Variants in NBEAL2 observed in about 807,000 individuals in gnomAD.
The protein encoded by NBEAL2 is neurobeachin like 2, also known as neurobeachin-like protein 2.
In NBEAL2, 160 loss-of-function variants were observed where a neutral mutation model predicts 299.8. The ratio of observed to expected loss-of-function variants is 0.53; its 90% CI spans 0.47 to 0.61. The LOEUF is 0.61. Among genes scored for constraint, NBEAL2 ranks in the 20% least tolerant of loss-of-function variants. The pLI is 0.00. For synonymous variants in NBEAL2, 1,493 were observed against 1,542.3 expected (o/e 0.97, Z 0.75); for missense variants, 3,112 against 3,649.0 (o/e 0.85, Z 3.79).
At position 46,999,949 on chromosome 3, in the gene NBEAL2, T is replaced by A; in HGVS notation, c.3850T>A (p.Trp1284Arg). ...GCGGCTTCTGGCCCGACAGGCTGGC[T>A]GGCAAGATGTGCTGACCCGGCTATA... ...VVRLLARQAGWQDVLTRLYVL... is the reference protein window; with the variant it reads ...VVRLLARQAGRQDVLTRLYVL... The change falls in exon 27 of 54, where the codon TGG (tryptophan) becomes AGG (arginine). Residue 1284 changes from tryptophan to arginine, a missense_variant. Physicochemically the swap from Trp to Arg is moderately radical, Grantham distance 101. Coordinates refer to ENST00000450053, the MANE Select transcript of NBEAL2 (RefSeq NM_015175.3). The A allele has an allele frequency of 6.2e-7, 1 of 1,611,706 alleles. No homozygotes were observed. The highest frequency in any genetic ancestry group is 8.5e-7 in the Non-Finnish European group (1 of 1,179,422).
At position 47,006,434 on chromosome 3, in the gene NBEAL2, G is replaced by A; in HGVS notation, c.7119G>A (p.Lys2373=). Residue 2373 remains lysine (K), a synonymous_variant, in exon 45 of 54, where the codon AAG becomes AAA. Coordinates refer to ENST00000450053, the MANE Select transcript of NBEAL2 (RefSeq NM_015175.3). The part of the protein sequence containing the change: ...PSIFQHLDEL[K]AFFAEVVSDG... Reference sequence around the variant, plus strand: ...TCTTCCAGCACCTGGACGAACTCAAGGCATTCTTCGCAGAGGTGAAAGGAA... The same window carrying A: ...TCTTCCAGCACCTGGACGAACTCAAAGCATTCTTCGCAGAGGTGAAAGGAA... 5.7e-6 allele frequency: 9 copies of A among 1,583,022 alleles called. No individual in the cohort carries two copies. Among genetic ancestry groups the A allele is most frequent in the Non-Finnish European group, 6.0e-6 (7 of 1,164,320 alleles).
In NBEAL2 at chr3:47,002,158, G is replaced by A. The variant is rs200622688; in HGVS notation, c.5021G>A (p.Arg1674His). Residue 1674 changes from arginine (R) to histidine (H), a missense_variant, in exon 31 of 54, where the codon CGT becomes CAT. Around this residue, in one of 3 missense-constraint regions of NBEAL2, gnomAD observed 2,243 missense variants for 2,538.1 expected, o/e 0.88. Transcript: ENST00000450053. ...CCACTGGTGCGCACGCTGCTAGACCGTGCCTATGAGCCGCTGGGGCTGCAG... is the reference window on the plus strand; with the variant it reads ...CCACTGGTGCGCACGCTGCTAGACCATGCCTATGAGCCGCTGGGGCTGCAG... ...LVPLVRTLLD[R>H]AYEPLGLQWG... The A allele has an allele frequency of 1.5e-3, 2,284 of 1,538,420 alleles. 3 individuals are homozygous for A. The highest frequency in any genetic ancestry group is 1.7e-3 in the Non-Finnish European group (1,965 of 1,138,884).
At chr3:46,996,910 T>C (rs771391324) in intron 17 of NBEAL2, 44 bp from the exon 18 acceptor site, 141 of 1,609,076 alleles carry the variant, frequency 8.8e-5, no homozygotes, top group Non-Finnish European at 1.2e-4. Flanking sequence ...TGCCACCCCC[T>C]CCTCCCTCTG....
chr3:46,992,589 C>T (rs777780700), intron 10 of NBEAL2, 34 bp downstream of exon 10: 2 of 1,538,856 alleles, frequency 1.3e-6, no homozygotes, highest in Admixed American at 1.9e-5. Flanking sequence ...TCAGACACCC[C>T]CTGGGACTCC....
At chr3:47,006,759 T>A (rs1324768100) in intron 45 of NBEAL2, among the ~76,000 whole-genome samples, 4 of 152,208 alleles carry the variant, frequency 2.6e-5, no homozygotes, top group Admixed American at 6.5e-5. Flanking sequence ...GGCCTGACTT[T>A]TTTTTTAGGT....
At chr3:46,983,559 C>G (rs1219087436) in intron 1 of NBEAL2, among the ~76,000 whole-genome samples, 3 of 152,180 alleles carry the variant, frequency 2.0e-5, no homozygotes, top group Non-Finnish European at 2.9e-5. Context: ...CTGCCCGCCT[C>G]AGCCTCCCAA....
chr3:46,994,279 T>G (rs2036311868), intron 11 of NBEAL2, among the ~76,000 whole-genome samples, 176 bp from the exon 12 acceptor site: 1 of 152,142 alleles, frequency 6.6e-6, no homozygotes, highest in Non-Finnish European at 1.5e-5. Flanking sequence ...CCTTCTGAGA[T>G]GTACTCACGT....
rs1248133159 is a variant in NBEAL2, at chr3:47,009,070, G to A, written c.8109G>A (p.Leu2703=). Residue 2703 remains leucine (L), a synonymous_variant, in exon 53 of 54, where the codon CTG becomes CTA. Transcript: ENST00000450053. ...TGACCAAGGAGCGCAGCCACGTGCT[G>A]GTGGGCCTGGAGGATGGCAAGCTCA... is the stretch of plus-strand genomic sequence containing the variant. The part of the protein sequence containing the change: ...VAVTKERSHV[L]VGLEDGKLIV... The A allele has an allele frequency of 2.5e-6, 4 of 1,602,326 alleles. No homozygotes were observed. The highest frequency in any genetic ancestry group is 3.4e-6 in the Non-Finnish European group (4 of 1,179,646).
In NBEAL2 at chr3:47,009,455, A is replaced by C; in HGVS notation, c.*135A>C. On this transcript the variant is annotated 3_prime_UTR_variant, in exon 54 of 54. Coordinates refer to ENST00000450053, the MANE Select transcript of NBEAL2 (RefSeq NM_015175.3). ...GGGGCCCACCCTGCCCAGCTCAGGGATTGGCGGGCGATGTTACCCCCTCAG... is the reference window on the plus strand; with the variant it reads ...GGGGCCCACCCTGCCCAGCTCAGGGCTTGGCGGGCGATGTTACCCCCTCAG... 1.2e-6 allele frequency: 1 copy of C among 830,036 alleles called. No individual in the cohort carries two copies. The allele number at this position is 830,036 out of a possible 1,614,324, so 51.4% of individuals were successfully genotyped here.
In NBEAL2 at chr3:46,988,952, T is replaced by A; in HGVS notation, c.251T>A (p.Leu84His). 6.2e-7 allele frequency: 1 copy of A among 1,612,426 alleles called. No individual in the cohort carries two copies. Among genetic ancestry groups the A allele is most frequent in the Non-Finnish European group, 8.5e-7 (1 of 1,178,892 alleles). The change falls in exon 3 of 54, where the codon CTC becomes CAC. Residue 84 changes from leucine to histidine, a missense_variant. Leu to His is a moderately conservative substitution (Grantham distance 99, BLOSUM62 -3). This residue lies in a region of NBEAL2 where 2,243 missense variants were observed against 2,538.1 expected (regional missense o/e 0.88). Coordinates refer to ENST00000450053, the MANE Select transcript of NBEAL2 (RefSeq NM_015175.3). The surrounding 1 kb of genome is among the most constrained non-coding windows in gnomAD (Gnocchi z 4.4). ...GAGCAAGCCCTCCTGCTGCTCAAGC[T>A]CTTCATCATTCTCTGCAGGTGTCTC... The part of the protein sequence containing the change: ...DLEQALLLLK[L>H]FIILCRNLEN...
chr3:47,004,580 A>G lies in NBEAL2; in HGVS notation c.6284A>G (p.Gln2095Arg). The change falls in exon 38 of 54, where the codon CAG becomes CGG. Residue 2095 changes from glutamine to arginine, a missense_variant. Gln to Arg is a conservative substitution (Grantham distance 43). Transcript: ENST00000450053. This position sits in a 1 kb window ranked among gnomAD's most constrained non-coding sequence, Gnocchi z 5.0. Reference sequence around the variant, plus strand: ...GGGCGGACCTACAATGACCTGTCTCAGTACCCTGTGGTGAGGGTCCCACTC... The same window carrying G: ...GGGCGGACCTACAATGACCTGTCTCGGTACCCTGTGGTGAGGGTCCCACTC... ...IAGRTYNDLS[Q>R]YPVFPWVLQD... 6.2e-7 allele frequency: 1 copy of G among 1,613,580 alleles called. No homozygotes were observed.
intron 40 of NBEAL2, 44 bp downstream of exon 40, chr3:47,005,365 G>A (rs2037350586): frequency 6.3e-7 from 1 of 1,586,918 alleles, no homozygotes; most frequent in Non-Finnish European, 8.6e-7. Context: ...GCAGATAAGG[G>A]GAGGAGGCTG....
At chr3:46,999,815 T>A (rs2036822232) in intron 26 of NBEAL2, 74 bp from the exon 27 acceptor site, 3 of 1,596,106 alleles carry the variant, frequency 1.9e-6, no homozygotes, top group Non-Finnish European at 2.6e-6. Flanking sequence ...GGAGCCCTCC[T>A]CTGCAAAGGC....
Position 46,987,912 on chromosome 3 carries a change from A to C in NBEAL2, c.52-757A>C, listed in dbSNP as rs1340019265. 9 of 1,055,106 alleles carry C rather than the reference A, an allele frequency of 8.5e-6. No homozygotes were observed. In the Admixed American group the frequency reaches 8.8e-5, roughly 10 times the overall value. The allele number at this position is 1,055,106 out of a possible 1,614,324, so 65.4% of individuals were successfully genotyped here. A position where few individuals can be genotyped will look rare whatever the true frequency, so the allele number is the denominator to read the frequency against. On this transcript the variant is annotated intron_variant, in intron 1 of 53. Coordinates refer to ENST00000450053, the MANE Select transcript of NBEAL2 (RefSeq NM_015175.3). ...CCCCACATCCCTGCGGTCTGCCGGG[A>C]GGAAGCGGTCCCCCTCCCCCACCGT... is the stretch of plus-strand genomic sequence containing the variant.
Position 47,001,039 on chromosome 3 carries a change from C to T in NBEAL2, c.4344C>T (p.Asn1448=), listed in dbSNP as rs781019108. 3.7e-6 allele frequency: 6 copies of T among 1,612,348 alleles called. No homozygotes were observed. The highest frequency in any genetic ancestry group is 1.7e-4 in the Middle Eastern group (1 of 6,056). The change falls in exon 28 of 54, where the codon AAC becomes AAT. Residue 1448 remains asparagine (N), a synonymous_variant. Transcript: ENST00000450053. This position sits in a 1 kb window ranked among gnomAD's most constrained non-coding sequence, Gnocchi z 6.1. ...AAGAGTTGTGCAATCTGCTCACCAA[C>T]GTGCTGTTCTCGGTGACGTGGCGTG... ...SEEELCNLLT[N]VLFSVTWRGV... is the part of the protein sequence containing the mutation.
chr3:47,005,395 C>T, intron 40 of NBEAL2, 74 bp downstream of exon 40: 1 of 1,569,280 alleles, frequency 6.4e-7, no homozygotes, highest in Non-Finnish European at 8.6e-7. Context: ...ACATCCTGGG[C>T]CCACCCCTGG....
intron 1 of NBEAL2, among the ~76,000 whole-genome samples, chr3:46,986,554 T>C (rs2035684611): frequency 6.6e-6 from 1 of 152,148 alleles, no homozygotes; most frequent in African/African-American, 2.4e-5. Flanking sequence ...ATTTGGGCTT[T>C]CAGGTGCTCA....
intron 1 of NBEAL2, among the ~76,000 whole-genome samples, chr3:46,986,132 C>T (rs958237924): frequency 3.3e-5 from 5 of 152,178 alleles, no homozygotes; most frequent in African/African-American, 9.7e-5. Flanking sequence ...TTGGAGACCT[C>T]GTCATCCCCT....
Position 46,989,593 on chromosome 3 carries a change from G to C in NBEAL2, c.556G>C (p.Glu186Gln). The change falls in exon 6 of 54, where the codon GAG (glutamate) becomes CAG (glutamine). Residue 186 changes from glutamate (E) to glutamine (Q), a missense_variant and splice_region_variant. This residue lies in a region of NBEAL2 where 2,243 missense variants were observed against 2,538.1 expected (regional missense o/e 0.88). Transcript: ENST00000450053. This position sits in a 1 kb window ranked among gnomAD's most constrained non-coding sequence, Gnocchi z 5.5. Reference sequence around the variant, plus strand: ...CCAGGAATTCAGCGCCTTCTTCCAAGGTCAGGCCCCGCCCCTGCCCCCACT... The same window carrying C: ...CCAGGAATTCAGCGCCTTCTTCCAACGTCAGGCCCCGCCCCTGCCCCCACT... ...LPQEFSAFFQ[E>Q]SLQNADHLPP... 1 of 1,584,872 alleles carries C rather than the reference G, an allele frequency of 6.3e-7. No individual in the cohort carries two copies. The highest frequency in any genetic ancestry group is 8.6e-7 in the Non-Finnish European group (1 of 1,165,434).
Sources: gnomAD v4.1 joint callset for allele counts (sites outside exome capture counted in the v4.1 genomes callset) on GRCh38, gnomAD v4.1.1 for gene constraint, gnomAD v4.1.1 regional missense constraint, Gnocchi (gnomAD v3.1) non-coding constraint, MANE v1.5 for transcripts, NCBI Gene and HGNC (gene_info 2026-07-23, HGNC 2026-07-21) for gene names.